Variants in RAB3GAP1 observed in about 807,000 individuals in gnomAD.
The protein encoded by RAB3GAP1 is RAB3 GTPase activating protein catalytic subunit 1.
In RAB3GAP1, 86 loss-of-function variants were observed where a neutral mutation model predicts 130.7. The observed-to-expected ratio is 0.66, with a 90% CI of 0.55 to 0.79. RAB3GAP1 has a LOEUF of 0.79. Among genes scored for constraint, RAB3GAP1 ranks in the 30% least tolerant of loss-of-function variants. The pLI is 0.00. For missense variants in RAB3GAP1, 1,029 were observed against 1,169.4 expected, an observed-to-expected ratio of 0.88 and a Z score of 1.75; for synonymous variants, 367 against 401.7, an observed-to-expected ratio of 0.91 and a Z score of 1.03.
intron 3 of RAB3GAP1, among the ~76,000 whole-genome samples, chr2:135,079,721 A>T (rs1689732989): frequency 6.6e-6 from 1 of 152,222 alleles, no homozygotes; most frequent in African/African-American, 2.4e-5. Flanking sequence ...GTCTTTAATT[A>T]TGTCCTTAGT....
At chr2:135,105,323 A>C (rs1384137191) in intron 5 of RAB3GAP1, among the ~76,000 whole-genome samples, 1 of 146,470 alleles carries the variant, frequency 6.8e-6, no homozygotes, top group African/African-American at 2.5e-5. Flanking sequence ...GCTCACTGCA[A>C]CCTCCCTGCC....
At chr2:135,100,557 A>C (rs1013145329) in intron 5 of RAB3GAP1, among the ~76,000 whole-genome samples, 38 of 152,290 alleles carry the variant, frequency 2.5e-4, no homozygotes, top group African/African-American at 8.4e-4. Context: ...GTGTCATGTT[A>C]GTTTGCCGTA....
At chr2:135,163,170 G>A (rs1464682460) in intron 22 of RAB3GAP1, 69 bp downstream of exon 22, 11 of 1,011,618 alleles carry the variant, frequency 1.1e-5, no homozygotes, top group African/African-American at 1.6e-5. Context: ...AAGAAAAATT[G>A]TAATAGGATA....
At chr2:135,065,944 T>C (rs553667489) in intron 3 of RAB3GAP1, among the ~76,000 whole-genome samples, 1 of 152,050 alleles carries the variant, frequency 6.6e-6, no homozygotes, top group Non-Finnish European at 1.5e-5. Context: ...CTAATTTTTT[T>C]TTGTATTTTT....
At chr2:135,110,155 A>G (rs1690756405) in intron 5 of RAB3GAP1, among the ~76,000 whole-genome samples, 1 of 149,060 alleles carries the variant, frequency 6.7e-6, no homozygotes, top group Non-Finnish European at 1.5e-5. Context: ...TTTTTTTGAG[A>G]TGAGGTTTCA....
intron 22 of RAB3GAP1, among the ~76,000 whole-genome samples, chr2:135,163,367 AT>A (rs763634656): frequency 2.6e-4 from 39 of 152,040 alleles, no homozygotes; most frequent in Admixed American, 3.9e-4. Context: ...GCTCTTGGAG[AT>A]GTGGTGTCTG....
chr2:135,174,882 C>T (rs962635378), downstream of RAB3GAP1, among the ~76,000 whole-genome samples: 2 of 152,226 alleles, frequency 1.3e-5, no homozygotes, highest in Admixed American at 6.5e-5. Flanking sequence ...GTGGCTGAGT[C>T]CCACCCAAGG....
intron 23 of RAB3GAP1, among the ~76,000 whole-genome samples, chr2:135,165,536 G>A (rs1440144953): frequency 6.6e-6 from 1 of 152,208 alleles, no homozygotes; most frequent in Non-Finnish European, 1.5e-5. Context: ...TTGGTCTGGA[G>A]TACAACTAGT....
At position 135,130,503 on chromosome 2, in the gene RAB3GAP1, C is replaced by T. The variant is rs773849564; in HGVS notation, c.1067-49C>T. Reference sequence around the variant, plus strand: ...TCATCAATTTGTTCATCACTTTCACCTGCTGAGGTTGGTGATATAATTTAT... The same window carrying T: ...TCATCAATTTGTTCATCACTTTCACTTGCTGAGGTTGGTGATATAATTTAT... On this transcript the variant is annotated intron_variant, in intron 12 of 23. Coordinates refer to ENST00000264158, the MANE Select transcript of RAB3GAP1 (RefSeq NM_012233.3). 5 of 1,479,444 alleles carry T rather than the reference C, an allele frequency of 3.4e-6. No individual in the cohort carries two copies. In the Admixed American group the frequency reaches 5.2e-5, roughly 15 times the overall value. The allele number at this position is 1,479,444 out of a possible 1,614,324, so 91.6% of individuals were successfully genotyped here. A position where few individuals can be genotyped will look rare whatever the true frequency, so the allele number is the denominator to read the frequency against.
chr2:135,125,771 A>G (rs931092271), intron 9 of RAB3GAP1, among the ~76,000 whole-genome samples: 1 of 152,174 alleles, frequency 6.6e-6, no homozygotes, highest in Non-Finnish European at 1.5e-5. Flanking sequence ...CTTTAAATTT[A>G]TGGATTTTTT....
At chr2:135,137,791 C>T (rs540284614) in intron 17 of RAB3GAP1, among the ~76,000 whole-genome samples, 1 of 151,658 alleles carries the variant, frequency 6.6e-6, no homozygotes, top group South Asian at 2.1e-4. Context: ...ACAACAGCAG[C>T]AATAGTTGTT....
At chr2:135,063,657 CT>C (rs1689239686) in intron 3 of RAB3GAP1, among the ~76,000 whole-genome samples, 1 of 152,120 alleles carries the variant, frequency 6.6e-6, no homozygotes, top group Non-Finnish European at 1.5e-5. Context: ...TCAGAATTTT[CT>C]TCGTTTTTAA....
chr2:135,129,080 A>C (rs1425541213), intron 11 of RAB3GAP1, among the ~76,000 whole-genome samples: 1 of 152,198 alleles, frequency 6.6e-6, no homozygotes, highest in Non-Finnish European at 1.5e-5. Context: ...TGAGCCTAGG[A>C]GGTCAAGGCT....
At chr2:135,123,910 A>G (rs1366191884) in intron 8 of RAB3GAP1, among the ~76,000 whole-genome samples, 1 of 152,188 alleles carries the variant, frequency 6.6e-6, no homozygotes, top group Non-Finnish European at 1.5e-5. Flanking sequence ...ATATTTCAGA[A>G]GGGCAAAATT....
intron 17 of RAB3GAP1, among the ~76,000 whole-genome samples, chr2:135,141,080 A>C (rs1355715057): frequency 6.6e-6 from 1 of 151,626 alleles, no homozygotes; most frequent in Non-Finnish European, 1.5e-5. Flanking sequence ...CTTGGTGAAA[A>C]GCCTGTTCAA....
At chr2:135,081,812 T>C (rs1465590334) in intron 3 of RAB3GAP1, among the ~76,000 whole-genome samples, 1 of 151,984 alleles carries the variant, frequency 6.6e-6, no homozygotes, top group Non-Finnish European at 1.5e-5. Context: ...AGATACAAAA[T>C]ATTGTGATTA....
At chr2:135,097,518 A>G (rs1690334896) in intron 5 of RAB3GAP1, among the ~76,000 whole-genome samples, 1 of 151,978 alleles carries the variant, frequency 6.6e-6, no homozygotes, top group Non-Finnish European at 1.5e-5. Flanking sequence ...ACTGTACCTG[A>G]CCACACTCTC....
At chr2:135,104,968 G>A (rs962806489) in intron 5 of RAB3GAP1, among the ~76,000 whole-genome samples, 12 of 152,042 alleles carry the variant, frequency 7.9e-5, no homozygotes, top group African/African-American at 2.9e-4. Context: ...CTTCACATGG[G>A]CTCAAAAGCA....
chr2:135,163,297 A>G (rs1055564083), intron 22 of RAB3GAP1, among the ~76,000 whole-genome samples, 196 bp downstream of exon 22: 3 of 152,196 alleles, frequency 2.0e-5, no homozygotes. Context: ...AGGTGTTTCC[A>G]TTCTTCCCAC....
Sources: allele counts gnomAD v4.1 joint callset (sites outside exome capture counted in the v4.1 genomes callset), GRCh38; gene constraint gnomAD v4.1.1; transcripts MANE v1.5; gene names NCBI Gene and HGNC (gene_info 2026-07-23, HGNC 2026-07-21).